TMEM106B: variants seen among roughly 807,000 people sequenced by gnomAD.
TMEM106B encodes transmembrane protein 106B.
A neutral mutation model predicts 31.1 loss-of-function variants in TMEM106B; 15 were observed. The ratio of observed to expected loss-of-function variants is 0.48; its 90% CI spans 0.32 to 0.74. The LOEUF (loss-of-function observed/expected upper bound fraction) is 0.74, where lower values mean the gene tolerates loss of function less well. TMEM106B is among the 30% of genes least tolerant of loss of function. The pLI is 0.03. For synonymous variants in TMEM106B, 126 were observed against 112.5 expected (o/e 1.12, Z -0.76); for missense variants, 283 against 327.3 (o/e 0.86, Z 1.04).
Position 12,231,865 on chromosome 7 carries a change from C to T in TMEM106B, c.715C>T (p.His239Tyr). 1 of 1,600,658 alleles carries T rather than the reference C, an allele frequency of 6.2e-7. No individual in the cohort carries two copies. Among genetic ancestry groups the T allele is most frequent in the Non-Finnish European group, 8.5e-7 (1 of 1,171,088 alleles). Residue 239 changes from histidine to tyrosine, a missense_variant, in exon 8 of 8, where the codon CAC becomes TAC. Physicochemically the swap from His to Tyr is moderately conservative, Grantham distance 83. This residue lies in a region of TMEM106B where 201 missense variants were observed against 211.5 expected (regional missense o/e 0.95). Coordinates refer to ENST00000396668, the MANE Select transcript of TMEM106B (RefSeq NM_001134232.2). The stretch of plus-strand genomic sequence containing the variant: ...TACTGTGACAACAACATACTTTGGC[C>T]ACTCTGAACAGATATCCCAGGAGAG... ...QVTVTTTYFG[H>Y]SEQISQERYQ...
chr7:12,219,886 A>G (rs1470114249), intron 3 of TMEM106B, among the ~76,000 whole-genome samples: 1 of 152,188 alleles, frequency 6.6e-6, no homozygotes, highest in Admixed American at 6.5e-5. Flanking sequence ...AAACCAAAGG[A>G]ATAGAACTGG....
intron 2 of TMEM106B, among the ~76,000 whole-genome samples, chr7:12,217,087 T>G (rs1390271425): frequency 6.6e-6 from 1 of 152,086 alleles, no homozygotes; most frequent in African/African-American, 2.4e-5. Flanking sequence ...ATGAGAATTA[T>G]CTGTAGAGAA....
intron 6 of TMEM106B, chr7:12,230,815 G>C: frequency 2.9e-6 from 1 of 348,116 alleles, no homozygotes; most frequent in Non-Finnish European, 5.1e-6. Flanking sequence ...CAGAAGATGA[G>C]CAAAATATAT....
chr7:12,230,014 C>T (rs1781986112), intron 5 of TMEM106B, among the ~76,000 whole-genome samples, 195 bp downstream of exon 5: 1 of 151,518 alleles, frequency 6.6e-6, no homozygotes, highest in Admixed American at 6.6e-5. Context: ...CCCAGGAATT[C>T]GAGACCAGCC....
intron 4 of TMEM106B, among the ~76,000 whole-genome samples, chr7:12,226,457 G>A (rs563576681): frequency 6.6e-6 from 1 of 152,260 alleles, no homozygotes; most frequent in East Asian, 1.9e-4. Flanking sequence ...AAAAGAGCAC[G>A]GTTTGCTAAC....
chr7:12,229,806 T>C lies in TMEM106B; in HGVS notation c.569T>C (p.Leu190Pro). Residue 190 changes from leucine (L) to proline (P), a missense_variant, in exon 5 of 8, where the codon CTT becomes CCT. By Grantham distance (98) the Leu-to-Pro change is moderately conservative. Coordinates refer to ENST00000396668, the MANE Select transcript of TMEM106B (RefSeq NM_001134232.2). ...RLNNITIIGP[L>P]DMKQIDYTVP... ...AACAACATAACCATTATTGGTCCAC[T>C]TGATATGAAACAAGTAAGAATCAAT... The C allele has an allele frequency of 6.2e-7, 1 of 1,602,818 alleles. No individual in the cohort carries two copies. Among genetic ancestry groups the C allele is most frequent in the Non-Finnish European group, 8.5e-7 (1 of 1,176,728 alleles).
chr7:12,214,499 T>C (rs974126016), intron 1 of TMEM106B: 10 of 240,960 alleles, frequency 4.2e-5, no homozygotes, highest in Middle Eastern at 1.4e-3. Flanking sequence ...CTTCAAAATG[T>C]CCTGCTTTTC....
intron 4 of TMEM106B, among the ~76,000 whole-genome samples, chr7:12,225,556 G>A (rs888844510): frequency 5.3e-5 from 8 of 152,034 alleles, no homozygotes; most frequent in Non-Finnish European, 1.0e-4. Flanking sequence ...TTTAATAATC[G>A]CCATTCTAAT....
At position 12,241,900 on chromosome 7, in the gene TMEM106B, C is replaced by T. The variant is rs1393040365; in HGVS notation, c.*9925C>T. On this transcript the variant is annotated 3_prime_UTR_variant, in exon 8 of 8. Transcript: ENST00000396668. ...AAAGCTTCCTATTTCTCTACATTCT[C>T]TCCAGCATCTGTTGTTTCCTGACTT... 3 of 152,184 alleles carry T rather than the reference C, an allele frequency of 2.0e-5. No individual in the cohort carries two copies. 9.4% of individuals were successfully genotyped at this position (152,184 alleles called of 1,614,324 possible).
At chr7:12,219,184 A>C (rs111775423) in intron 3 of TMEM106B, among the ~76,000 whole-genome samples, 1 of 152,212 alleles carries the variant, frequency 6.6e-6, no homozygotes, top group South Asian at 2.1e-4. Flanking sequence ...CATATCCTCA[A>C]GAAAAAAGTT....
chr7:12,211,803 C>G (rs1297963403), intron 1 of TMEM106B, among the ~76,000 whole-genome samples: 1 of 152,226 alleles, frequency 6.6e-6, no homozygotes, highest in Non-Finnish European at 1.5e-5. Context: ...CGCTTGTTTC[C>G]TTAGTTCTCA....
chr7:12,231,822 TTACA>T lies in TMEM106B; in HGVS notation c.687-13_687-10del. ...ATAACTATTAAATGTCTCTCCTCAC[TTACA>T]TTATTTTTAGAGTTACTGTGACAAC... On this transcript the variant is annotated splice_polypyrimidine_tract_variant and intron_variant, in intron 7 of 7. Coordinates refer to ENST00000396668, the MANE Select transcript of TMEM106B (RefSeq NM_001134232.2). 6.3e-7 allele frequency: 1 copy of T among 1,584,524 alleles called. No homozygotes were observed. Among genetic ancestry groups the T allele is most frequent in the Non-Finnish European group, 8.6e-7 (1 of 1,159,686 alleles).
chr7:12,216,377 A>G (rs1781687347), intron 2 of TMEM106B, among the ~76,000 whole-genome samples: 1 of 86,500 alleles, frequency 1.2e-5, no homozygotes, highest in Non-Finnish European at 2.1e-5. Flanking sequence ...ATTTATTAAA[A>G]TTGAAAAAAA....
chr7:12,212,615 ATTTT>A (rs962006075), intron 1 of TMEM106B, among the ~76,000 whole-genome samples: 1 of 151,406 alleles, frequency 6.6e-6, no homozygotes, highest in African/African-American at 2.4e-5. Context: ...AATTTTATTT[ATTTT>A]TTTATCTTTG....
intron 7 of TMEM106B, 64 bp downstream of exon 7, chr7:12,231,179 T>C (rs910268357): frequency 7.9e-7 from 1 of 1,259,958 alleles, no homozygotes; most frequent in African/African-American, 1.5e-5. Flanking sequence ...TAACATTGGC[T>C]TATAATATAC....
intron 4 of TMEM106B, 143 bp downstream of exon 4, chr7:12,224,528 C>T (rs1347713019): frequency 1.7e-6 from 1 of 572,074 alleles, no homozygotes; most frequent in Non-Finnish European, 3.0e-6. Flanking sequence ...TATTGACGTT[C>T]TCTACCATTT....
chr7:12,234,600 A>G lies in TMEM106B; in HGVS notation c.*2625A>G, dbSNP rs1782093082. On this transcript the variant is annotated 3_prime_UTR_variant, in exon 8 of 8. Coordinates refer to ENST00000396668, the MANE Select transcript of TMEM106B (RefSeq NM_001134232.2). ...GTCCAGTGTGCTTTTTTCCATGGGA[A>G]TAGGATAGGTATTAATACGCTTTTC... 4 of 151,848 alleles carry G rather than the reference A, an allele frequency of 2.6e-5. No homozygotes were observed. In the South Asian group the frequency reaches 8.3e-4, roughly 31 times the overall value. The allele number at this position is 151,848 out of a possible 1,614,324, so 9.4% of individuals were successfully genotyped here.
At chr7:12,225,495 A>C (rs1781882778) in intron 4 of TMEM106B, among the ~76,000 whole-genome samples, 1 of 152,194 alleles carries the variant, frequency 6.6e-6, no homozygotes, top group Non-Finnish European at 1.5e-5. Flanking sequence ...ACAGTGTAAA[A>C]GTGTTCCTAT....
intron 7 of TMEM106B, 99 bp from the exon 8 acceptor site, chr7:12,231,738 C>T (rs1782027131): frequency 8.5e-6 from 8 of 939,498 alleles, no homozygotes; most frequent in Non-Finnish European, 1.1e-5. Context: ...ATCAAATATT[C>T]TCTTCTGGGA....
Sources: allele counts gnomAD v4.1 joint callset (sites outside exome capture counted in the v4.1 genomes callset), GRCh38; gene constraint gnomAD v4.1.1; regional missense constraint gnomAD v4.1.1; transcripts MANE v1.5; gene names NCBI Gene and HGNC (gene_info 2026-07-23, HGNC 2026-07-21).